Variants in ZCCHC14 observed in about 807,000 individuals in gnomAD.
ZCCHC14 encodes the protein zinc finger CCHC domain-containing protein 14.
ZCCHC14 carries 16 observed loss-of-function variants against 85.0 expected under a neutral mutation model. That is an observed-to-expected ratio of 0.19 (90% confidence interval 0.13 to 0.29). The LOEUF (loss-of-function observed/expected upper bound fraction) is 0.29, where lower values mean the gene tolerates loss of function less well. Among genes scored for constraint, ZCCHC14 ranks in the 10% least tolerant of loss-of-function variants. The pLI is 1.00. For missense variants in ZCCHC14, 1,303 were observed against 1,443.5 expected (o/e 0.90, Z 1.58); for synonymous variants, 775 against 630.7 (o/e 1.23, Z -3.43).
chr16:87,414,671 T>G (rs951388110), intron 9 of ZCCHC14, 130 bp from the exon 10 acceptor site: 7 of 1,277,296 alleles, frequency 5.5e-6, no homozygotes, highest in African/African-American at 1.5e-5. Flanking sequence ...ATGGGTCTAC[T>G]CCACACCACA....
At chr16:87,451,623 A>G (rs1267584666) in intron 2 of ZCCHC14, among the ~76,000 whole-genome samples, 2 of 152,256 alleles carry the variant, frequency 1.3e-5, no homozygotes, top group African/African-American at 2.4e-5. Context: ...AGCGCCAGCC[A>G]TAAGTGATAT....
intron 1 of ZCCHC14, among the ~76,000 whole-genome samples, chr16:87,461,907 G>A (rs1309459414): frequency 2.0e-5 from 3 of 152,192 alleles, no homozygotes; most frequent in Non-Finnish European, 4.4e-5. Flanking sequence ...ATCCCACGCG[G>A]CTCAACAGAT....
rs149645854 is a variant in ZCCHC14, at chr16:87,462,781, C to T, written c.571-2650G>A. Reference sequence around the variant, plus strand: ...AAAGAAAAAAGAAAAAAAACAAACACGGCCGAGGCCAGGCTTAGTGGCTCA... The same window carrying T: ...AAAGAAAAAAGAAAAAAAACAAACATGGCCGAGGCCAGGCTTAGTGGCTCA... On this transcript the variant is annotated intron_variant, in intron 1 of 12. Transcript: ENST00000671377. Among the ~76,000 whole-genome samples, 61 of 151,128 alleles carry T rather than the reference C, an allele frequency of 4.0e-4. No individual in the cohort carries two copies. In the East Asian group the frequency reaches 0.011, roughly 28 times the overall value.
intron 1 of ZCCHC14, among the ~76,000 whole-genome samples, chr16:87,478,243 A>C (rs772074725): frequency 3.9e-5 from 6 of 152,268 alleles, no homozygotes; most frequent in Non-Finnish European, 5.9e-5. Context: ...CAGAATCTAC[A>C]GTGTCATCCC....
chr16:87,485,175 A>G (rs1912457934), intron 1 of ZCCHC14, among the ~76,000 whole-genome samples: 1 of 152,188 alleles, frequency 6.6e-6, no homozygotes, highest in African/African-American at 2.4e-5. Context: ...CGGCATGTGA[A>G]GACCTGTCCT....
Position 87,460,047 on chromosome 16 carries a change from C to T in ZCCHC14, c.655G>A (p.Glu219Lys). The T allele has an allele frequency of 6.2e-7, 1 of 1,614,118 alleles. No homozygotes were observed. The highest frequency in any genetic ancestry group is 8.5e-7 in the Non-Finnish European group (1 of 1,180,018). Residue 219 changes from glutamate to lysine, a missense_variant, in exon 2 of 13, where the codon GAG becomes AAG. By Grantham distance (56) the Glu-to-Lys change is moderately conservative. Transcript: ENST00000671377. ...ALHTSAHSTE[E>K]SLPKRPLGKH... ...CCTAAGGGCCTCTTGGGCAGCGACTCCTCCGTGGAATGTGCTGATGTGTGC... is the reference window on the plus strand; with the variant it reads ...CCTAAGGGCCTCTTGGGCAGCGACTTCTCCGTGGAATGTGCTGATGTGTGC...
At chr16:87,460,934 C>T (rs939225205) in intron 1 of ZCCHC14, among the ~76,000 whole-genome samples, 3 of 152,246 alleles carry the variant, frequency 2.0e-5, no homozygotes, top group African/African-American at 7.2e-5. Context: ...CCTAAAATTA[C>T]ATCCCAATTC....
intron 1 of ZCCHC14, among the ~76,000 whole-genome samples, chr16:87,487,279 T>TAAA (rs1912551871): frequency 6.6e-6 from 1 of 152,074 alleles, no homozygotes; most frequent in Non-Finnish European, 1.5e-5. Flanking sequence ...CCAAAAACTT[T>TAAA]AAAAACGTTA....
chr16:87,442,280 C>A (rs188257458), intron 2 of ZCCHC14, among the ~76,000 whole-genome samples: 1 of 152,290 alleles, frequency 6.6e-6, no homozygotes, highest in African/African-American at 2.4e-5. Flanking sequence ...ACAGCCACAC[C>A]CCACAGAAGG....
intron 6 of ZCCHC14, 62 bp from the exon 7 acceptor site, chr16:87,418,963 T>G (rs1367548459): frequency 6.8e-7 from 1 of 1,468,586 alleles, no homozygotes; most frequent in Admixed American, 1.9e-5. Flanking sequence ...TGTTTTATTT[T>G]ATTATTTTTT....
chr16:87,438,281 GCACCT>G (rs780846617), intron 2 of ZCCHC14, among the ~76,000 whole-genome samples: 57 of 152,278 alleles, frequency 3.7e-4, no homozygotes, highest in South Asian at 8.3e-4. Flanking sequence ...AACTGCAGGA[GCACCT>G]CACCTCATTT....
chr16:87,432,860 T>C (rs1909730542), intron 3 of ZCCHC14, among the ~76,000 whole-genome samples: 1 of 152,192 alleles, frequency 6.6e-6, no homozygotes, highest in Non-Finnish European at 1.5e-5. Flanking sequence ...TTCTGCTATT[T>C]AGCCCCCTGA....
rs757056385 is a variant in ZCCHC14, at chr16:87,419,813, A to G, written c.1015T>C (p.Ser339Pro). The G allele has an allele frequency of 8.7e-6, 14 of 1,611,766 alleles. No individual in the cohort carries two copies. In the Admixed American group the frequency reaches 1.8e-4, roughly 21 times the overall value. Residue 339 changes from serine (S) to proline (P), a missense_variant, in exon 6 of 13, where the codon TCC (serine) becomes CCC (proline). By Grantham distance (74) the Ser-to-Pro change is moderately conservative. Coordinates refer to ENST00000671377, the MANE Select transcript of ZCCHC14 (RefSeq NM_015144.3). ...CTCTGAAGCTGCTGTGGGGGAGAGG[A>G]AGTGCTGAGAAACCTCCTGACATGG... is the stretch of plus-strand genomic sequence containing the variant. ...NDHVRRFLSTSSPPQQLQSPS... is the reference protein window; with the variant it reads ...NDHVRRFLSTPSPPQQLQSPS...
intron 1 of ZCCHC14, among the ~76,000 whole-genome samples, chr16:87,463,361 G>A (rs939368560): frequency 5.9e-5 from 9 of 152,148 alleles, no homozygotes; most frequent in African/African-American, 2.2e-4. Context: ...CAGCCTGGGC[G>A]ATAGCGAGAC....
chr16:87,433,075 G>C, intron 3 of ZCCHC14, 53 bp downstream of exon 3: 1 of 1,560,670 alleles, frequency 6.4e-7, no homozygotes, highest in Non-Finnish European at 8.8e-7. Context: ...TCCAGGGTAA[G>C]TGTTTTCTTC....
At chr16:87,444,731 C>A (rs752646399) in intron 2 of ZCCHC14, among the ~76,000 whole-genome samples, 16 of 152,090 alleles carry the variant, frequency 1.1e-4, no homozygotes, top group African/African-American at 2.9e-4. Context: ...CTAAAGTATC[C>A]GGGTCATGAA....
chr16:87,484,913 C>A (rs1883658437), intron 1 of ZCCHC14, among the ~76,000 whole-genome samples: 1 of 152,168 alleles, frequency 6.6e-6, no homozygotes, highest in Non-Finnish European at 1.5e-5. Context: ...AGTTCAAACG[C>A]TGACCTACAA....
At chr16:87,425,362 A>C (rs987384559) in intron 3 of ZCCHC14, among the ~76,000 whole-genome samples, 3 of 152,164 alleles carry the variant, frequency 2.0e-5, no homozygotes, top group African/African-American at 7.2e-5. Flanking sequence ...GGATCACCTG[A>C]GGTCAGGAGT....
At chr16:87,464,880 ACT>A (rs370442884) in intron 1 of ZCCHC14, among the ~76,000 whole-genome samples, 2 of 152,192 alleles carry the variant, frequency 1.3e-5, no homozygotes, top group African/African-American at 4.8e-5. Context: ...CACCCGCAGG[ACT>A]CGTCATCTGG....
Sources: allele counts gnomAD v4.1 joint callset (sites outside exome capture counted in the v4.1 genomes callset), GRCh38; gene constraint gnomAD v4.1.1; transcripts MANE v1.5; gene names NCBI Gene and HGNC (gene_info 2026-07-23, HGNC 2026-07-21).